KCNK2: variants seen among roughly 807,000 people sequenced by gnomAD.
KCNK2 encodes the protein potassium channel subfamily K member 2.
Under a neutral mutation model 40.5 loss-of-function variants are expected in KCNK2, and 21 were observed. The ratio of observed to expected loss-of-function variants is 0.52; its 90% CI spans 0.37 to 0.75. The LOEUF (loss-of-function observed/expected upper bound fraction) is 0.75. KCNK2 is among the 30% of genes least tolerant of loss of function. The pLI is 0.00. For synonymous variants in KCNK2, 191 were observed against 202.2 expected (o/e 0.94, Z 0.47); for missense variants, 399 against 531.6 (o/e 0.75, Z 2.45).
chr1:215,175,561 G>A (rs1455187272), intron 5 of KCNK2, among the ~76,000 whole-genome samples: 7 of 151,822 alleles, frequency 4.6e-5, no homozygotes, highest in Non-Finnish European at 1.0e-4. Flanking sequence ...TATATTGTGC[G>A]ATGTTGAGGT....
At chr1:215,229,178 T>C (rs1010999481) in intron 6 of KCNK2, among the ~76,000 whole-genome samples, 6 of 151,924 alleles carry the variant, frequency 3.9e-5, no homozygotes, top group African/African-American at 9.7e-5. Flanking sequence ...ATACCCCTGC[T>C]ATAATCTTAT....
intron 1 of KCNK2, among the ~76,000 whole-genome samples, chr1:215,060,752 C>T (rs1486894486): frequency 2.6e-5 from 4 of 152,102 alleles, no homozygotes; most frequent in African/African-American, 4.8e-5. Flanking sequence ...ATATAAATTA[C>T]CTTCTCTATA....
At chr1:215,007,184 G>GTT (rs1656201261) in intron 1 of KCNK2, among the ~76,000 whole-genome samples, 2 of 16,218 alleles carry the variant, frequency 1.2e-4, no homozygotes, top group Non-Finnish European at 3.3e-4. Context: ...TATGTGTGTG[G>GTT]GTATATATAT....
At chr1:215,110,469 T>C (rs530748529) in intron 2 of KCNK2, among the ~76,000 whole-genome samples, 205 of 151,974 alleles carry the variant, frequency 1.3e-3, no homozygotes, top group African/African-American at 4.8e-3. Context: ...TTGAAAAGAC[T>C]ATCCTTTCCT....
intron 2 of KCNK2, among the ~76,000 whole-genome samples, chr1:215,098,578 T>G (rs1320519631): frequency 6.6e-6 from 1 of 152,004 alleles, no homozygotes; most frequent in Non-Finnish European, 1.5e-5. Flanking sequence ...TTTTCAATTT[T>G]ATATTAAAAC....
chr1:215,032,655 A>G (rs1285342996), intron 1 of KCNK2, among the ~76,000 whole-genome samples: 1 of 152,132 alleles, frequency 6.6e-6, no homozygotes, highest in African/African-American at 2.4e-5. Flanking sequence ...AGCGTATGAA[A>G]TTGAGGTTAG....
chr1:215,225,505 G>T (rs112090057), intron 6 of KCNK2, among the ~76,000 whole-genome samples: 157 of 152,258 alleles, frequency 1.0e-3, no homozygotes, highest in African/African-American at 3.7e-3. Flanking sequence ...TTTATAAGTT[G>T]CTTTCTCTTC....
intron 3 of KCNK2, among the ~76,000 whole-genome samples, chr1:215,157,288 G>C (rs1462794084): frequency 6.6e-6 from 1 of 152,116 alleles, no homozygotes; most frequent in Non-Finnish European, 1.5e-5. Context: ...CACTCCCCAA[G>C]GCACAAAAAG....
At chr1:215,162,141 T>A (rs1663228294) in intron 3 of KCNK2, among the ~76,000 whole-genome samples, 1 of 152,210 alleles carries the variant, frequency 6.6e-6, no homozygotes, top group South Asian at 2.1e-4. Context: ...TGGTATCTCA[T>A]TGTGGTTTTG....
rs34269537 is a variant in KCNK2, at chr1:215,175,449, A to ATT, written c.823+3275_823+3276dup. On this transcript the variant is annotated intron_variant, in intron 5 of 6. Transcript: ENST00000444842. Reference sequence around the variant, plus strand: ...TTTTGATACCAAATGTCTGCCTCTGATTTTTTTTTTGTTTTGTTAAGCACA... The same window carrying ATT: ...TTTTGATACCAAATGTCTGCCTCTGATTTTTTTTTTTTGTTTTGTTAAGCACA... Among the ~76,000 whole-genome samples, 208 of 147,648 alleles carry ATT rather than the reference A, an allele frequency of 1.4e-3. 1 individual carries two copies. In the Middle Eastern group the frequency reaches 0.021, roughly 15 times the overall value.
At chr1:215,177,852 C>T (rs1285023869) in intron 5 of KCNK2, among the ~76,000 whole-genome samples, 2 of 147,312 alleles carry the variant, frequency 1.4e-5, no homozygotes, top group Non-Finnish European at 3.0e-5. Context: ...ATTACTTTGA[C>T]TGTTCAGGCT....
At chr1:215,114,084 A>G (rs1040779683) in intron 2 of KCNK2, among the ~76,000 whole-genome samples, 2 of 152,082 alleles carry the variant, frequency 1.3e-5, no homozygotes, top group Non-Finnish European at 2.9e-5. Flanking sequence ...AGTTTTCTGC[A>G]TGTTTCACCA....
At chr1:215,172,855 C>T (rs1387048873) in intron 5 of KCNK2, among the ~76,000 whole-genome samples, 2 of 151,990 alleles carry the variant, frequency 1.3e-5, no homozygotes, top group African/African-American at 4.8e-5. Flanking sequence ...TGGGGTTTCA[C>T]CATGTTGATC....
chr1:215,095,125 A>G (rs1230162949), intron 2 of KCNK2, among the ~76,000 whole-genome samples: 5 of 152,150 alleles, frequency 3.3e-5, no homozygotes, highest in South Asian at 4.1e-4. Context: ...ACATATTTGT[A>G]TATCATTTTA....
chr1:215,224,998 C>T (rs1666329016), intron 6 of KCNK2, among the ~76,000 whole-genome samples: 1 of 151,962 alleles, frequency 6.6e-6, no homozygotes, highest in Admixed American at 6.6e-5. Context: ...TTATTTAGGG[C>T]TGGATATGCT....
chr1:215,218,439 T>C (rs1666041512), intron 6 of KCNK2, among the ~76,000 whole-genome samples: 4 of 152,236 alleles, frequency 2.6e-5, no homozygotes, highest in African/African-American at 9.6e-5. Context: ...CCTACTCTAA[T>C]GTCCCAGTCT....
At chr1:215,216,132 C>T (rs1665947511) in intron 6 of KCNK2, among the ~76,000 whole-genome samples, 1 of 152,078 alleles carries the variant, frequency 6.6e-6, no homozygotes, top group Admixed American at 6.6e-5. Flanking sequence ...CATTATTAGA[C>T]CCTCACTGCT....
rs371296375 is a variant in KCNK2, at chr1:215,139,371, C to T, written c.475+14621C>T. On this transcript the variant is annotated intron_variant, in intron 3 of 6. Transcript: ENST00000444842. ...GGTCATGAAATTTTAAAAAATCATT[C>T]GTTGAAGATTTGCTTTATTGTTTTA... 5.7e-4 allele frequency among the ~76,000 whole-genome samples: 87 copies of T among 152,246 alleles called. No homozygotes were observed. In the South Asian group the frequency reaches 0.017, roughly 30 times the overall value.
intron 2 of KCNK2, among the ~76,000 whole-genome samples, chr1:215,111,505 G>C (rs1199914677): frequency 6.6e-6 from 1 of 151,842 alleles, no homozygotes; most frequent in Non-Finnish European, 1.5e-5. Flanking sequence ...GAAGTTCACT[G>C]TTTTTTTCTT....
Sources: gnomAD v4.1 joint callset for allele counts (sites outside exome capture counted in the v4.1 genomes callset) on GRCh38, gnomAD v4.1.1 for gene constraint, MANE v1.5 for transcripts, NCBI Gene and HGNC (gene_info 2026-07-23, HGNC 2026-07-21) for gene names.